Variants in M1AP observed in about 807,000 individuals in gnomAD.
M1AP encodes meiosis 1 arrest protein.
Under a neutral mutation model 51.2 loss-of-function variants are expected in M1AP, and 39 were observed. The observed-to-expected ratio is 0.76, with a 90% CI of 0.59 to 1.00. The LOEUF (loss-of-function observed/expected upper bound fraction) is 1.00. M1AP is among the 50% of genes least tolerant of loss of function. The pLI is 0.00. For missense variants in M1AP, 545 were observed against 641.2 expected (o/e 0.85, Z 1.62); for synonymous variants, 251 against 249.2 (o/e 1.01, Z -0.07).
intron 4 of M1AP, among the ~76,000 whole-genome samples, chr2:74,596,243 A>G (rs952849128): frequency 5.3e-5 from 8 of 152,204 alleles, no homozygotes; most frequent in African/African-American, 1.9e-4. Flanking sequence ...AAGTATAAAG[A>G]CATAAATGAG....
chr2:74,573,069 C>T (rs963711272), intron 7 of M1AP, among the ~76,000 whole-genome samples: 8 of 151,878 alleles, frequency 5.3e-5, no homozygotes, highest in African/African-American at 1.9e-4. Flanking sequence ...TTTTTTGAGA[C>T]AGAGTCTCAC....
intron 2 of M1AP, among the ~76,000 whole-genome samples, chr2:74,637,143 TTTTC>T (rs1382813351): frequency 2.0e-5 from 3 of 152,338 alleles, no homozygotes; most frequent in Admixed American, 6.5e-5. Context: ...AAAATGATTA[TTTTC>T]TTTCTGTGTT....
chr2:74,623,182 C>T lies in M1AP; in HGVS notation c.241-8033G>A, dbSNP rs193250258. Among the ~76,000 whole-genome samples, 30 of 152,086 alleles carry T rather than the reference C, an allele frequency of 2.0e-4. No individual in the cohort carries two copies. The East Asian group carries it at 5.0e-3, about 25-fold the overall frequency. On this transcript the variant is annotated intron_variant, in intron 2 of 10. Transcript: ENST00000421985. Reference sequence around the variant, plus strand: ...CTGTATGTCATCTCTAATATGCATACCTAAAAACAGTAATAATTGAGAGTA... The same window carrying T: ...CTGTATGTCATCTCTAATATGCATATCTAAAAACAGTAATAATTGAGAGTA...
chr2:74,628,809 A>C (rs1327972944), intron 2 of M1AP: 1 of 482,536 alleles, frequency 2.1e-6, no homozygotes, highest in African/African-American at 2.0e-5. Context: ...GATTGCACTG[A>C]CTTGAAAGAA....
chr2:74,562,394 C>T lies in M1AP; in HGVS notation c.1104G>A (p.Gly368=). The change falls in exon 8 of 11, where the codon GGG becomes GGA. Residue 368 remains glycine (G), a synonymous_variant. Transcript: ENST00000421985. ...LKREWLLLAK[G]EPPGPGHSQR... ...GGCTGTGTCCTGGGCCCGGTGGTTC[C>T]CCCTTGGCTAACAGCAGCCATTCCC... The T allele has an allele frequency of 6.2e-7, 1 of 1,614,206 alleles. No homozygotes were observed. Among genetic ancestry groups the T allele is most frequent in the Non-Finnish European group, 8.5e-7 (1 of 1,180,036 alleles).
intron 1 of M1AP, among the ~76,000 whole-genome samples, chr2:74,642,729 G>A (rs1350931405): frequency 6.6e-6 from 1 of 152,146 alleles, no homozygotes; most frequent in Non-Finnish European, 1.5e-5. Context: ...TTTCCCAAAA[G>A]ATCTCCTTGT....
intron 4 of M1AP, among the ~76,000 whole-genome samples, chr2:74,599,908 A>G (rs1418325090): frequency 6.6e-6 from 1 of 151,306 alleles, no homozygotes; most frequent in African/African-American, 2.4e-5. Context: ...ATAGCTTACT[A>G]TAACTTTAAA....
chr2:74,567,181 G>A (rs1678447333), intron 7 of M1AP, among the ~76,000 whole-genome samples: 1 of 152,126 alleles, frequency 6.6e-6, no homozygotes. Flanking sequence ...AGCTATGCCA[G>A]TTTAGAAAAA....
intron 2 of M1AP, among the ~76,000 whole-genome samples, chr2:74,637,330 T>G (rs529715342): frequency 6.6e-6 from 1 of 152,344 alleles, no homozygotes; most frequent in East Asian, 1.9e-4. Context: ...TCCACTTAGC[T>G]TTTTGAACAC....
rs1380294319 is a variant in M1AP, at chr2:74,593,692, T to C, written c.596-11845A>G. ...CACCATGCCTGGCCTGAACAATATTTAAAAATCAACTACCTGAAGGCTCTG... is the reference window on the plus strand; with the variant it reads ...CACCATGCCTGGCCTGAACAATATTCAAAAATCAACTACCTGAAGGCTCTG... On this transcript the variant is annotated intron_variant, in intron 4 of 10. Transcript: ENST00000421985. Among the ~76,000 whole-genome samples, 3 of 152,144 alleles carry C rather than the reference T, an allele frequency of 2.0e-5. No homozygotes were observed. The East Asian group carries it at 5.8e-4, about 29-fold the overall frequency.
intron 7 of M1AP, among the ~76,000 whole-genome samples, chr2:74,572,264 A>T (rs1678791210): frequency 6.6e-6 from 1 of 152,232 alleles, no homozygotes; most frequent in African/African-American, 2.4e-5. Context: ...AATTTAGCAA[A>T]GAAGTTAAAA....
intron 2 of M1AP, chr2:74,615,368 A>C: frequency 3.8e-6 from 2 of 525,604 alleles, no homozygotes; most frequent in Non-Finnish European, 6.8e-6. Flanking sequence ...GGTTTTGATT[A>C]CTTAGAGTTA....
intron 4 of M1AP, among the ~76,000 whole-genome samples, chr2:74,588,243 T>C (rs1679832367): frequency 6.6e-6 from 1 of 152,178 alleles, no homozygotes; most frequent in Non-Finnish European, 1.5e-5. Context: ...CATCTGTACA[T>C]GCATAGATGT....
At chr2:74,614,400 G>C (rs1375053888) in intron 3 of M1AP, among the ~76,000 whole-genome samples, 1 of 152,186 alleles carries the variant, frequency 6.6e-6, no homozygotes, top group Non-Finnish European at 1.5e-5. Context: ...TGTCCTGTCT[G>C]TTTGATCCCT....
intron 2 of M1AP, among the ~76,000 whole-genome samples, chr2:74,639,429 G>A (rs1188006453): frequency 1.3e-5 from 2 of 152,210 alleles, no homozygotes; most frequent in East Asian, 1.9e-4. Flanking sequence ...AAGGGAGAAA[G>A]GGAAGATTGA....
chr2:74,574,650 C>T (rs558867645), intron 7 of M1AP, among the ~76,000 whole-genome samples: 1 of 152,164 alleles, frequency 6.6e-6, no homozygotes, highest in African/African-American at 2.4e-5. Context: ...ATTTGTTTCC[C>T]TAAGTCCAAA....
At position 74,561,181 on chromosome 2, in the gene M1AP, G is replaced by C. The variant is rs1573053051; in HGVS notation, c.1282-890C>G. On this transcript the variant is annotated intron_variant, in intron 8 of 10. Coordinates refer to ENST00000421985, the MANE Select transcript of M1AP (RefSeq NM_001321739.2). ...GGAGGAGGAGGAGAAGGAGGAGGAG[G>C]AGAAGGAGGAGGAGGAGAAGGAGGA... 6.7e-5 allele frequency among the ~76,000 whole-genome samples: 9 copies of C among 135,198 alleles called. No homozygotes were observed. In the South Asian group the frequency reaches 2.2e-3, roughly 33 times the overall value. 88.7% of individuals were successfully genotyped at this position (135,198 alleles called of 152,430 possible).
intron 4 of M1AP, among the ~76,000 whole-genome samples, chr2:74,599,627 A>G (rs1176168267): frequency 6.6e-6 from 1 of 152,122 alleles, no homozygotes; most frequent in Non-Finnish European, 1.5e-5. Flanking sequence ...TTCCTATGTA[A>G]ATATGACACT....
At chr2:74,636,185 T>C (rs762213061) in intron 2 of M1AP, among the ~76,000 whole-genome samples, 6 of 152,138 alleles carry the variant, frequency 3.9e-5, no homozygotes, top group Non-Finnish European at 5.9e-5. Flanking sequence ...TCTTGGTGGA[T>C]TGACCTTTTC....
Sources: allele counts gnomAD v4.1 joint callset (sites outside exome capture counted in the v4.1 genomes callset), GRCh38; gene constraint gnomAD v4.1.1; transcripts MANE v1.5; gene names NCBI Gene and HGNC (gene_info 2026-07-23, HGNC 2026-07-21).